Variants in L1CAM observed in about 807,000 individuals in gnomAD.
L1CAM encodes L1 cell adhesion molecule, also known as neural cell adhesion molecule L1.
L1CAM carries 8 observed loss-of-function variants against 93.0 expected under a neutral mutation model. The ratio of observed to expected loss-of-function variants is 0.09; its 90% CI spans 0.05 to 0.16. L1CAM has a LOEUF of 0.16. Ranked by LOEUF, L1CAM falls within the 10% of genes least tolerant of loss-of-function variation. The pLI is 1.00. For missense variants in L1CAM, 777 were observed against 1,073.4 expected (o/e 0.72, Z 3.86); for synonymous variants, 453 against 453.0 (o/e 1.00, Z 0.00).
intron 20 of L1CAM, 50 bp downstream of exon 20, chrX:153,865,654 G>T (rs200256871): frequency 3.8e-6 from 4 of 1,046,136 alleles, no homozygotes; most frequent in Non-Finnish European, 5.4e-6. Flanking sequence ...CCATCCTGTC[G>T]CTTTACCTCA....
intron 1 of L1CAM, among the ~76,000 whole-genome samples, chrX:153,877,627 C>T (rs1569545076): frequency 1.8e-5 from 2 of 110,945 alleles, no homozygotes; most frequent in Admixed American, 1.9e-4. Flanking sequence ...AACTCCATCT[C>T]AAAAAAAAGA....
In L1CAM at chrX:153,873,482, T is replaced by C. The variant is rs374168944; in HGVS notation, c.77-240A>G. Among the ~76,000 whole-genome samples, 50 of 111,943 alleles carry C rather than the reference T, an allele frequency of 4.5e-4. 3 individuals carry two copies. The South Asian group carries it at 0.019, about 42-fold the overall frequency. ...GCCCAGGGAGAGGAGCTCCACTGGA[T>C]AGACACACAGGGCATGTAGCCCAGA... On this transcript the variant is annotated intron_variant, in intron 2 of 28. Transcript: ENST00000370060.
In L1CAM at chrX:153,865,116, G is replaced by A. The variant is rs782190446; in HGVS notation, c.2844C>T (p.Leu948=). The change falls in exon 22 of 29, where the codon CTC becomes CTT. Residue 948 remains leucine (L), a synonymous_variant. Transcript: ENST00000370060. ...WQPPLSHNGV[L]TGYVLSYHPL... Reference sequence around the variant, plus strand: ...GGTGGTAGGAGAGCACGTAGCCGGTGAGCACGCCGTTGTGGCTGAGTGGGG... The same window carrying A: ...GGTGGTAGGAGAGCACGTAGCCGGTAAGCACGCCGTTGTGGCTGAGTGGGG... The A allele has an allele frequency of 8.3e-7, 1 of 1,210,755 alleles. No homozygotes were observed. The highest frequency in any genetic ancestry group is 1.8e-5 in the South Asian group (1 of 56,940).
Position 153,869,666 on chromosome X carries a change from G to A in L1CAM, c.1124-3C>T, listed in dbSNP as rs782611146. 18 of 1,206,132 alleles carry A rather than the reference G, an allele frequency of 1.5e-5. No individual in the cohort carries two copies. In the African/African-American group the frequency reaches 3.1e-4, roughly 21 times the overall value. On this transcript the variant is annotated splice_polypyrimidine_tract_variant and splice_region_variant and intron_variant, in intron 10 of 28. Transcript: ENST00000370060. ...GTACTTCTGGTCTTTGGCCAGCTCT[G>A]TGCATGCAGCAGGTGGGCCCATGGG...
intron 1 of L1CAM, among the ~76,000 whole-genome samples, chrX:153,876,821 C>T (rs782769322): frequency 9.1e-6 from 1 of 109,428 alleles, no homozygotes; most frequent in Admixed American, 9.7e-5. Context: ...TGGCGGAACC[C>T]CGTCTCTACT....
chrX:153,867,919 G>C lies in L1CAM; in HGVS notation c.1829-9C>G. The C allele has an allele frequency of 8.3e-7, 1 of 1,209,232 alleles. No homozygotes were observed. Among genetic ancestry groups the C allele is most frequent in the Non-Finnish European group, 1.1e-6 (1 of 893,874 alleles). On this transcript the variant is annotated splice_polypyrimidine_tract_variant and intron_variant, in intron 15 of 28. Coordinates refer to ENST00000370060, the MANE Select transcript of L1CAM (RefSeq NM_001278116.2). ...CACCGGCCCAGGGCTCCCTGAGGGT[G>C]GGGAGGGTCGGTGCTTGAAAGGGCC...
chrX:153,883,218 G>A (rs370210286), intron 1 of L1CAM, among the ~76,000 whole-genome samples: 2 of 111,349 alleles, frequency 1.8e-5, no homozygotes, highest in South Asian at 3.8e-4. Context: ...GGAGCAGAGC[G>A]GTGGAAGACA....
intron 2 of L1CAM, among the ~76,000 whole-genome samples, chrX:153,875,025 C>T (rs1557094146): frequency 8.9e-6 from 1 of 112,039 alleles, no homozygotes; most frequent in Admixed American, 9.4e-5. Flanking sequence ...ATCACATTCA[C>T]GAATATCTAC....
At chrX:153,875,627 G>T in intron 2 of L1CAM, 134 bp downstream of exon 2, 1 of 599,400 alleles carries the variant, frequency 1.7e-6, no homozygotes, top group Non-Finnish European at 2.8e-6. Context: ...GCTATCTCCT[G>T]CCCACCCTGT....
chrX:153,874,420 C>T (rs1159765276), intron 2 of L1CAM, among the ~76,000 whole-genome samples: 2 of 113,246 alleles, frequency 1.8e-5, no homozygotes, highest in Non-Finnish European at 3.8e-5. Context: ...ACCTGTGTGG[C>T]CTCTCAGCGG....
Position 153,868,313 on chromosome X carries a change from C to T in L1CAM, c.1692G>A (p.Gly564=), listed in dbSNP as rs781799489. The T allele has an allele frequency of 1.6e-6, 2 of 1,212,143 alleles. No homozygotes were observed. Among genetic ancestry groups the T allele is most frequent in the Admixed American group, 4.3e-5 (2 of 46,083 alleles). ...RGDGRDLQEL[G]DSDKYFIEDG... ...GTCACTGTCCTCACTTGTCACTGTC[C>T]CCAAGCTCCTGGAGGTCTCGACCGT... The change falls in exon 14 of 29, where the codon GGG becomes GGA. Residue 564 remains glycine (G), a synonymous_variant. Coordinates refer to ENST00000370060, the MANE Select transcript of L1CAM (RefSeq NM_001278116.2).
intron 5 of L1CAM, 70 bp from the exon 6 acceptor site, chrX:153,871,249 G>A: frequency 8.3e-6 from 8 of 968,897 alleles, no homozygotes; most frequent in South Asian, 2.1e-5. Context: ...AGGGAGGTGG[G>A]GGCAGGGGGG....
intron 1 of L1CAM, among the ~76,000 whole-genome samples, chrX:153,882,487 T>C (rs1603278541): frequency 9.2e-6 from 1 of 108,581 alleles, no homozygotes; most frequent in East Asian, 2.9e-4. Flanking sequence ...ACCAAATATA[T>C]GACCCCACCC....
chrX:153,867,749 C>T, intron 16 of L1CAM, 51 bp downstream of exon 16: 1 of 1,112,633 alleles, frequency 9.0e-7, no homozygotes, highest in Non-Finnish European at 1.2e-6. Flanking sequence ...CCAGGAGGGG[C>T]CAGGGCTGGC....
intron 11 of L1CAM, 106 bp downstream of exon 11, chrX:153,869,414 T>G: frequency 1.1e-6 from 1 of 948,137 alleles, no homozygotes; most frequent in Non-Finnish European, 1.5e-6. Context: ...GCCAGCCTGG[T>G]AGGCCGAGGA....
chrX:153,878,679 G>T (rs2064828308), intron 1 of L1CAM, among the ~76,000 whole-genome samples: 1 of 111,759 alleles, frequency 8.9e-6, no homozygotes, highest in Non-Finnish European at 1.9e-5. Context: ...CCGGAGCAAG[G>T]AAAAGCTCAA....
rs781964270 is a variant in L1CAM at position 153,869,434 on chromosome X, T to A, written c.1267+86A>T. 6 of 1,088,763 alleles carry A rather than the reference T, an allele frequency of 5.5e-6. No homozygotes were observed. The African/African-American group carries it at 1.1e-4, about 20-fold the overall frequency. 89.7% of individuals were successfully genotyped at this position (1,088,763 alleles called of 1,213,427 possible). The stretch of plus-strand genomic sequence containing the variant: ...CCTGGTAGGCCGAGGACACATCAGC[T>A]GCCAGCTGAGCCACTCTGGTGGCCT... On this transcript the variant is annotated intron_variant, in intron 11 of 28. Coordinates refer to ENST00000370060, the MANE Select transcript of L1CAM (RefSeq NM_001278116.2).
Position 153,862,268 on chromosome X carries a change from C to A in L1CAM, c.*395G>T. On this transcript the variant is annotated 3_prime_UTR_variant, in exon 29 of 29. Transcript: ENST00000370060. ...CCCAGCCAGGCTGGCTGGGGAGTGG[C>A]TGGGGGAGGGGGAAGGTGCCAACCC... The A allele has an allele frequency of 6.0e-6, 1 of 165,305 alleles. No homozygotes were observed. The highest frequency in any genetic ancestry group is 1.2e-4 in the East Asian group (1 of 8,201). 13.6% of individuals were successfully genotyped at this position (165,305 alleles called of 1,213,427 possible).
At chrX:153,879,415 A>AGGGGTG (rs1557095259) in intron 1 of L1CAM, among the ~76,000 whole-genome samples, 3 of 4,348 alleles carry the variant, frequency 6.9e-4, no homozygotes, top group Non-Finnish European at 1.3e-3. Context: ...GAGAAGAGTG[A>AGGGGTG]GGGGTGGGGG....
Sources: gnomAD v4.1 joint callset for allele counts (sites outside exome capture counted in the v4.1 genomes callset) on GRCh38, gnomAD v4.1.1 for gene constraint, MANE v1.5 for transcripts, NCBI Gene and HGNC (gene_info 2026-07-23, HGNC 2026-07-21) for gene names.